ZNF469: variants seen among roughly 807,000 people sequenced by gnomAD.
ZNF469 encodes zinc finger protein 469.
In ZNF469, 1 loss-of-function variant was observed where a neutral mutation model predicts 1.0. That is an observed-to-expected ratio of 1.00 (90% CI 0.35 to 4.73). ZNF469 has a LOEUF of 4.73. Ranked by LOEUF, ZNF469 falls within the 30% of genes most tolerant of loss-of-function variation. ZNF469 has a pLI of 0.16. For missense variants in ZNF469, 6,100 were observed against 5,356.3 expected (o/e 1.14, Z -4.33); for synonymous variants, 2,703 against 2,363.4 (o/e 1.14, Z -4.17).
the ZNF469 span, among the ~76,000 whole-genome samples, chr16:88,267,221 G>A: frequency 2.6e-5 from 4 of 152,194 alleles, no homozygotes; most frequent in East Asian, 5.8e-4. Flanking sequence ...CCTTGCTGCC[G>A]AGGGCTTGCT....
the ZNF469 span, among the ~76,000 whole-genome samples, chr16:88,230,280 C>G: frequency 6.6e-6 from 1 of 152,376 alleles, no homozygotes; most frequent in East Asian, 1.9e-4. Context: ...AAGGGCTGAT[C>G]CGAGGCTGCC....
At chr16:88,310,619 G>A in the ZNF469 span, among the ~76,000 whole-genome samples, 1 of 149,734 alleles carries the variant, frequency 6.7e-6, no homozygotes, top group African/African-American at 2.5e-5. Context: ...GTCTCGCTCT[G>A]TTGCCCAGGC....
the ZNF469 span, among the ~76,000 whole-genome samples, chr16:88,251,460 GT>G: frequency 7.1e-6 from 1 of 140,138 alleles, no homozygotes; most frequent in Non-Finnish European, 1.5e-5. Context: ...TGCTTTTTTT[GT>G]TCTAACAGCT....
chr16:88,401,930 GGATAGATA>G (rs1904886940), intron 1 of ZNF469, among the ~76,000 whole-genome samples: 3 of 139,210 alleles, frequency 2.2e-5, no homozygotes, highest in African/African-American at 5.8e-5. Context: ...ATGGATGGAT[GGATAGATA>G]CGTGGGTGGA....
At chr16:88,237,742 ACCCTCCCTGCCCTCCTTGCTCCTGCCACT>A in the ZNF469 span, among the ~76,000 whole-genome samples, 10 of 89,200 alleles carry the variant, frequency 1.1e-4, 1 homozygote, top group South Asian at 3.7e-3. Flanking sequence ...CCTGCCACGC[ACCCTCCCTGCCCTCCTTGCTCCTGCCACT>A]CACCCTCCCT....
intron 1 of ZNF469, among the ~76,000 whole-genome samples, chr16:88,400,482 G>T (rs1904822449): frequency 6.6e-6 from 1 of 152,256 alleles, no homozygotes; most frequent in South Asian, 2.1e-4. Flanking sequence ...TCCCAGAGCT[G>T]CTGTGGGTCT....
chr16:88,323,735 C>A, the ZNF469 span, among the ~76,000 whole-genome samples: 1 of 152,192 alleles, frequency 6.6e-6, no homozygotes, highest in East Asian at 1.9e-4. Context: ...TTGCCCATGA[C>A]CGGTAATGGC....
the ZNF469 span, among the ~76,000 whole-genome samples, chr16:88,133,315 C>T: frequency 6.6e-6 from 1 of 152,238 alleles, no homozygotes; most frequent in African/African-American, 2.4e-5. Context: ...CGCACATTCC[C>T]AGCGCTTGGC....
the ZNF469 span, among the ~76,000 whole-genome samples, chr16:88,256,308 G>C: frequency 6.6e-6 from 1 of 152,172 alleles, no homozygotes; most frequent in Non-Finnish European, 1.5e-5. Flanking sequence ...CACACACTAC[G>C]TAGCTTTTTA....
At chr16:88,344,804 G>A in the ZNF469 span, among the ~76,000 whole-genome samples, 6 of 152,340 alleles carry the variant, frequency 3.9e-5, no homozygotes, top group Middle Eastern at 3.4e-3. Flanking sequence ...TCCCAGAGGC[G>A]AGACCGGGTC....
the ZNF469 span, among the ~76,000 whole-genome samples, chr16:88,353,743 T>C: frequency 6.6e-6 from 1 of 152,172 alleles, no homozygotes; most frequent in Non-Finnish European, 1.5e-5. Flanking sequence ...AATGAGGTCA[T>C]ACACAGATGC....
chr16:88,215,494 A>T, the ZNF469 span, among the ~76,000 whole-genome samples: 163 of 144,062 alleles, frequency 1.1e-3, no homozygotes, highest in African/African-American at 3.8e-3. Flanking sequence ...GGTTCAAGCG[A>T]TTCTCCTGCC....
At chr16:88,310,138 AG>A in the ZNF469 span, among the ~76,000 whole-genome samples, 7 of 152,252 alleles carry the variant, frequency 4.6e-5, no homozygotes, top group East Asian at 9.7e-4. Context: ...TGGGGAGGGA[AG>A]GGGTCATCAG....
chr16:88,257,544 C>T, the ZNF469 span, among the ~76,000 whole-genome samples: 1 of 152,152 alleles, frequency 6.6e-6, no homozygotes, highest in Non-Finnish European at 1.5e-5. Context: ...TATTTCTTTC[C>T]TGGATCCTGC....
rs1906827778 is a variant in ZNF469 at position 88,439,165 on chromosome 16, A to T, written c.11695A>T (p.Arg3899Ter). The T allele has an allele frequency of 6.4e-7, 1 of 1,550,438 alleles. No homozygotes were observed. Among genetic ancestry groups the T allele is most frequent in the Non-Finnish European group, 8.7e-7 (1 of 1,146,988 alleles). ...ACTGGGCAAGGCCTTCCCCCAGGGG[A>T]GACCCCTGCTCAGGCCCCCCAAGAG... ...DRLGKAFPQG[R>*]PLLRPPKRGT... Residue 3899 changes from arginine (R) to a stop codon, truncating the protein, a stop_gained, in exon 3 of 3, where the codon AGA becomes TGA. Coordinates refer to ENST00000565624, the MANE Select transcript of ZNF469 (RefSeq NM_001367624.2). LOFTEE classifies it low-confidence loss of function (END_TRUNC).
At chr16:88,387,161 G>T (rs1481422427) in intron 1 of ZNF469, among the ~76,000 whole-genome samples, 1 of 152,202 alleles carries the variant, frequency 6.6e-6, no homozygotes, top group African/African-American at 2.4e-5. Context: ...CCTGGGTCAG[G>T]TGCGGACGCC....
chr16:88,203,946 A>C, the ZNF469 span, among the ~76,000 whole-genome samples: 2 of 152,172 alleles, frequency 1.3e-5, no homozygotes, highest in South Asian at 4.1e-4. Flanking sequence ...AATCTTAAAG[A>C]AGTCCCTCAT....
the ZNF469 span, among the ~76,000 whole-genome samples, chr16:88,120,225 C>T: frequency 6.6e-6 from 1 of 152,182 alleles, no homozygotes; most frequent in African/African-American, 2.4e-5. Flanking sequence ...CAGGGGCAGC[C>T]CTGGGCCCAG....
chr16:88,346,206 T>C, the ZNF469 span, among the ~76,000 whole-genome samples: 2 of 152,174 alleles, frequency 1.3e-5, no homozygotes, highest in Non-Finnish European at 2.9e-5. Context: ...TCTCCAGTGG[T>C]TTCCAGGATG....
Sources: gnomAD v4.1 joint callset for allele counts (sites outside exome capture counted in the v4.1 genomes callset) on GRCh38, gnomAD v4.1.1 for gene constraint, MANE v1.5 for transcripts, NCBI Gene and HGNC (gene_info 2026-07-23, HGNC 2026-07-21) for gene names.